The following SRR variants were observed in gnomAD, a reference collection of about 807,000 sequenced individuals.
SRR encodes D-serine ammonia-lyase.
SRR carries 19 observed loss-of-function variants against 32.7 expected under a neutral mutation model. That is an observed-to-expected ratio of 0.58 (90% CI 0.40 to 0.85). The LOEUF is 0.85. SRR is among the 40% of genes least tolerant of loss of function. The pLI is 0.00. For synonymous variants in SRR, 142 were observed against 140.9 expected (o/e 1.01, Z -0.06); for missense variants, 373 against 404.7 (o/e 0.92, Z 0.67).
intron 3 of SRR, 39 bp from the exon 4 acceptor site, chr17:2,318,787 A>G: frequency 6.6e-7 from 1 of 1,519,942 alleles, no homozygotes; most frequent in South Asian, 1.1e-5. Flanking sequence ...TTTCTATTCT[A>G]AATTCTCCTG....
At chr17:2,323,600 G>C in intron 7 of SRR, 55 bp from the exon 8 acceptor site, 1 of 1,575,988 alleles carries the variant, frequency 6.3e-7, no homozygotes, top group Non-Finnish European at 8.7e-7. Context: ...GAACTTTATA[G>C]GTAAACCAAC....
chr17:2,321,158 C>A, intron 4 of SRR, 148 bp from the exon 5 acceptor site: 1 of 897,114 alleles, frequency 1.1e-6, no homozygotes, highest in Non-Finnish European at 1.7e-6. Context: ...TGCTTGAGGG[C>A]AGGGATATTT....
intron 1 of SRR, among the ~76,000 whole-genome samples, chr17:2,304,517 A>G (rs1376129607): frequency 6.6e-6 from 1 of 151,268 alleles, no homozygotes; most frequent in Non-Finnish European, 1.5e-5. Context: ...TGCTGGGATT[A>G]CAGGCGTGAG....
rs1316554056 is a variant in SRR, at chr17:2,324,210, C to G, written c.*337C>G. On this transcript the variant is annotated 3_prime_UTR_variant, in exon 8 of 8. Coordinates refer to ENST00000344595, the MANE Select transcript of SRR (RefSeq NM_021947.3). ...CTTTGAATCCATTACTCCATGCCCCCTTGAGGCACTGTTGAAGAAATCTCA... is the reference window on the plus strand; with the variant it reads ...CTTTGAATCCATTACTCCATGCCCCGTTGAGGCACTGTTGAAGAAATCTCA... The G allele has an allele frequency of 6.6e-7, 1 of 1,523,304 alleles. No homozygotes were observed. The highest frequency in any genetic ancestry group is 8.8e-7 in the Non-Finnish European group (1 of 1,140,598). The allele number at this position is 1,523,304 out of a possible 1,614,324, so 94.4% of individuals were successfully genotyped here. A position where few individuals can be genotyped will look rare whatever the true frequency, so the allele number is the denominator to read the frequency against.
At chr17:2,305,969 GATTA>G (rs2075387155) in intron 1 of SRR, among the ~76,000 whole-genome samples, 1 of 150,368 alleles carries the variant, frequency 6.7e-6, no homozygotes, top group Non-Finnish European at 1.5e-5. Flanking sequence ...AAAGTGCTGG[GATTA>G]CAGGCGTGAG....
At chr17:2,319,377 C>CTT (rs1412357370) in intron 4 of SRR, among the ~76,000 whole-genome samples, 1 of 152,054 alleles carries the variant, frequency 6.6e-6, no homozygotes, top group Non-Finnish European at 1.5e-5. Flanking sequence ...AAGATGGACT[C>CTT]TTTCTATGTT....
chr17:2,323,182 C>T lies in SRR; in HGVS notation c.641C>T (p.Ala214Val), dbSNP rs750404787. 1 of 1,614,206 alleles carries T rather than the reference C, an allele frequency of 6.2e-7. No homozygotes were observed. The stretch of plus-strand genomic sequence containing the variant: ...GTATATGCTGCTGAACCCTCAAATG[C>T]AGATGACTGCTACCAGTCCAAGCTG... ...VKVYAAEPSN[A>V]DDCYQSKLKG... Residue 214 changes from alanine (A) to valine (V), a missense_variant, in exon 7 of 8, where the codon GCA (alanine) becomes GTA (valine). Ala to Val is a moderately conservative substitution (Grantham distance 64). Transcript: ENST00000344595.
At chr17:2,309,946 A>G (rs1056888439) in intron 1 of SRR, 1 of 151,626 alleles carries the variant, frequency 6.6e-6, no homozygotes, top group Non-Finnish European at 1.5e-5. Flanking sequence ...TATGGAACCA[A>G]CTCGCCTGTG....
chr17:2,308,262 A>G (rs1461968967), intron 1 of SRR, among the ~76,000 whole-genome samples: 1 of 152,212 alleles, frequency 6.6e-6, no homozygotes, highest in Non-Finnish European at 1.5e-5. Flanking sequence ...TAAGCATTCA[A>G]CAAATATAGA....
At chr17:2,323,565 T>C in intron 7 of SRR, 90 bp from the exon 8 acceptor site, 1 of 1,395,220 alleles carries the variant, frequency 7.2e-7, no homozygotes, top group Non-Finnish European at 1.0e-6. Flanking sequence ...ATAAGAAAAT[T>C]CAAACTGGAC....
rs1247070050 is a variant in SRR, at chr17:2,324,939, C to T, written c.*1066C>T. 3.2e-6 allele frequency: 4 copies of T among 1,251,924 alleles called. No individual in the cohort carries two copies. The East Asian group carries it at 7.5e-5, about 24-fold the overall frequency. The allele number at this position is 1,251,924 out of a possible 1,614,324, so 77.6% of individuals were successfully genotyped here. The stretch of plus-strand genomic sequence containing the variant: ...AAGAGCCTGGTTTGTCATCCCTGCC[C>T]TAGCCCAATCTGAGGCTAAGATTGG... On this transcript the variant is annotated 3_prime_UTR_variant, in exon 8 of 8. Coordinates refer to ENST00000344595, the MANE Select transcript of SRR (RefSeq NM_021947.3).
upstream of SRR, chr17:2,303,622 G>T: frequency 6.9e-7 from 1 of 1,448,320 alleles, no homozygotes; most frequent in South Asian, 1.3e-5. Flanking sequence ...GAGCTGGGCG[G>T]CGCGACTCAC....
At chr17:2,318,218 C>T (rs1009822999) in intron 3 of SRR, among the ~76,000 whole-genome samples, 2 of 152,112 alleles carry the variant, frequency 1.3e-5, no homozygotes, top group Non-Finnish European at 2.9e-5. Context: ...GATCTCGGCT[C>T]ACTGTAACCT....
chr17:2,320,302 C>G (rs1011845252), intron 4 of SRR, among the ~76,000 whole-genome samples: 19 of 127,850 alleles, frequency 1.5e-4, no homozygotes, highest in African/African-American at 5.7e-4. Context: ...GTCTCCCAGG[C>G]TGGAGTGCAG....
intron 2 of SRR, among the ~76,000 whole-genome samples, chr17:2,316,879 A>ATTTTT (rs536120942): frequency 8.1e-6 from 1 of 123,788 alleles, no homozygotes; most frequent in African/African-American, 3.1e-5. Context: ...CGCCCAGCTA[A>ATTTTT]TTTTTTTTTT....
In SRR at chr17:2,325,038, C is replaced by T. The variant is rs1186033560; in HGVS notation, c.*1165C>T. 1 of 616,430 alleles carries T rather than the reference C, an allele frequency of 1.6e-6. No homozygotes were observed. The highest frequency in any genetic ancestry group is 2.7e-6 in the Non-Finnish European group (1 of 366,004). 38.2% of individuals were successfully genotyped at this position (616,430 alleles called of 1,614,324 possible). On this transcript the variant is annotated 3_prime_UTR_variant, in exon 8 of 8. Coordinates refer to ENST00000344595, the MANE Select transcript of SRR (RefSeq NM_021947.3). Reference sequence around the variant, plus strand: ...GTACTTCAAGAGAAATGATGTATAACAAAACCATACTTTTTCTCATCAGTT... The same window carrying T: ...GTACTTCAAGAGAAATGATGTATAATAAAACCATACTTTTTCTCATCAGTT...
intron 1 of SRR, among the ~76,000 whole-genome samples, chr17:2,304,849 A>G (rs2075372415): frequency 6.6e-6 from 1 of 151,958 alleles, no homozygotes; most frequent in African/African-American, 2.4e-5. Context: ...TTGACTTTTT[A>G]ATTTCCCATC....
chr17:2,306,759 C>A, intron 1 of SRR: 1 of 630,902 alleles, frequency 1.6e-6, no homozygotes, highest in South Asian at 1.7e-5. Flanking sequence ...TGGACACCGC[C>A]AAGTCTAAGT....
chr17:2,310,204 A>G (rs1173601627), intron 1 of SRR, among the ~76,000 whole-genome samples: 1 of 152,114 alleles, frequency 6.6e-6, no homozygotes, highest in Non-Finnish European at 1.5e-5. Context: ...CCTCCAAAAT[A>G]TATCTTATTT....
Sources: gnomAD v4.1 joint callset for allele counts (sites outside exome capture counted in the v4.1 genomes callset) on GRCh38, gnomAD v4.1.1 for gene constraint, MANE v1.5 for transcripts, NCBI Gene and HGNC (gene_info 2026-07-23, HGNC 2026-07-21) for gene names.